The following KIAA1671 variants were observed in gnomAD, a reference collection of about 807,000 sequenced individuals.
KIAA1671 encodes KIAA1671.
In KIAA1671, 52 loss-of-function variants were observed where a neutral mutation model predicts 131.2. The observed-to-expected ratio is 0.40, with a 90% confidence interval of 0.32 to 0.50. The LOEUF (loss-of-function observed/expected upper bound fraction) is 0.50. Among genes scored for constraint, KIAA1671 ranks in the 20% least tolerant of loss-of-function variants. The pLI is 0.73. For missense variants in KIAA1671, 2,360 were observed against 2,364.2 expected (o/e 1.00, Z 0.04); for synonymous variants, 1,003 against 961.6 (o/e 1.04, Z -0.80).
At position 25,195,627 on chromosome 22, in the gene KIAA1671, A is replaced by G. The variant is rs1038758458; in HGVS notation, c.*3226A>G. ...GCATGAGCCTGTGGTTTTAAACTTT[A>G]CAGGCTGGGCAAAGGATTTAGAAAG... On this transcript the variant is annotated 3_prime_UTR_variant, in exon 13 of 13. Transcript: ENST00000358431. The G allele has an allele frequency of 6.6e-6, 1 of 152,192 alleles. No homozygotes were observed. The highest frequency in any genetic ancestry group is 2.4e-5 in the African/African-American group (1 of 41,450). 9.4% of individuals were successfully genotyped at this position (152,192 alleles called of 1,614,324 possible). A position where few individuals can be genotyped will look rare whatever the true frequency, so the allele number is the denominator to read the frequency against.
intron 11 of KIAA1671, chr22:25,185,791 A>C (rs1451672037): frequency 6.6e-6 from 1 of 152,216 alleles, no homozygotes; most frequent in African/African-American, 2.4e-5. Flanking sequence ...AGTTTCCTCA[A>C]CTGTAAAGTG....
intron 6 of KIAA1671, chr22:25,112,290 G>C (rs1197101188): frequency 2.5e-6 from 1 of 398,890 alleles, no homozygotes; most frequent in East Asian, 3.6e-5. Flanking sequence ...ACCACGGTGG[G>C]CCACGAACGG....
intron 6 of KIAA1671, among the ~76,000 whole-genome samples, chr22:25,076,638 T>C (rs1239668116): frequency 1.3e-5 from 2 of 152,256 alleles, no homozygotes; most frequent in Non-Finnish European, 2.9e-5. Context: ...TTGTGAGTTA[T>C]TTAATCTCCT....
chr22:25,035,358 T>A (rs1179129634), intron 4 of KIAA1671, among the ~76,000 whole-genome samples: 2 of 152,114 alleles, frequency 1.3e-5, no homozygotes, highest in Admixed American at 6.5e-5. Context: ...GGACTTCTAT[T>A]TTCTTTTCTC....
At chr22:25,033,913 G>A (rs1363098521) in intron 4 of KIAA1671, among the ~76,000 whole-genome samples, 2 of 151,824 alleles carry the variant, frequency 1.3e-5, no homozygotes, top group Non-Finnish European at 2.9e-5. Flanking sequence ...AGATACAATT[G>A]ACATACAGGA....
chr22:25,155,397 G>T (rs1482395634), intron 6 of KIAA1671, among the ~76,000 whole-genome samples: 1 of 151,940 alleles, frequency 6.6e-6, no homozygotes, highest in South Asian at 2.1e-4. Flanking sequence ...ATGTGTATTT[G>T]TGTCTGTTTC....
chr22:25,063,613 A>G (rs1477588367), intron 6 of KIAA1671: 1 of 152,154 alleles, frequency 6.6e-6, no homozygotes, highest in Non-Finnish European at 1.5e-5. Flanking sequence ...TACAGTGCAC[A>G]CTGCTCGGGT....
chr22:25,079,270 C>A (rs1415807637), intron 6 of KIAA1671, among the ~76,000 whole-genome samples: 1 of 151,844 alleles, frequency 6.6e-6, no homozygotes, highest in Non-Finnish European at 1.5e-5. Context: ...CGCTCTGTCG[C>A]CCAGGCTGGA....
intron 7 of KIAA1671, among the ~76,000 whole-genome samples, chr22:25,173,612 A>G (rs1933923143): frequency 6.6e-6 from 1 of 152,250 alleles, no homozygotes; most frequent in Admixed American, 6.5e-5. Context: ...ATTACTATGT[A>G]TCGATTATAA....
chr22:25,001,223 GTATGTGTGTGTA>G (rs1196757486), intron 1 of KIAA1671, among the ~76,000 whole-genome samples: 7 of 72,452 alleles, frequency 9.7e-5, no homozygotes, highest in East Asian at 5.7e-4. Flanking sequence ...GTGTATATAT[GTATGTGTGTGTA>G]TATGTGTGTG....
intron 6 of KIAA1671, among the ~76,000 whole-genome samples, chr22:25,105,293 A>T (rs577632390): frequency 6.6e-6 from 1 of 152,248 alleles, no homozygotes; most frequent in African/African-American, 2.4e-5. Flanking sequence ...AAGTGTTGGG[A>T]TTACGGGCAT....
rs375341104 is a variant in KIAA1671, at chr22:25,039,663, G to A, written c.2533G>A (p.Gly845Arg). ...VAVSEEHCAP[G>R]ATSVRAIKAA... Reference sequence around the variant, plus strand: ...AGTCAGCGAAGAGCACTGTGCTCCCGGGGCCACCTCCGTCAGGGCTATCAA... The same window carrying A: ...AGTCAGCGAAGAGCACTGTGCTCCCAGGGCCACCTCCGTCAGGGCTATCAA... Residue 845 changes from glycine to arginine, a missense_variant, in exon 5 of 13, where the codon GGG (glycine) becomes AGG (arginine). Gly to Arg is a moderately radical substitution (Grantham distance 125). This residue lies in a region of KIAA1671 where 1,185 missense variants were observed against 1,126.2 expected (regional missense o/e 1.05). Coordinates refer to ENST00000358431, the MANE Select transcript of KIAA1671 (RefSeq NM_001145206.2). 1.2e-5 allele frequency: 18 copies of A among 1,534,684 alleles called. No individual in the cohort carries two copies. Among genetic ancestry groups the A allele is most frequent in the Non-Finnish European group, 1.4e-5 (16 of 1,135,516 alleles).
chr22:24,997,342 G>A (rs2123855493), intron 1 of KIAA1671, among the ~76,000 whole-genome samples: 1 of 152,270 alleles, frequency 6.6e-6, no homozygotes, highest in East Asian at 1.9e-4. Context: ...ATGTCACTCA[G>A]GAAAAAGAGA....
chr22:25,035,189 G>T (rs1317714964), intron 4 of KIAA1671, among the ~76,000 whole-genome samples: 1 of 151,676 alleles, frequency 6.6e-6, no homozygotes, highest in African/African-American at 2.4e-5. Flanking sequence ...GGGACTACAG[G>T]CACGTGCCTC....
intron 1 of KIAA1671, among the ~76,000 whole-genome samples, chr22:24,953,610 G>C (rs933734899): frequency 6.6e-6 from 1 of 152,028 alleles, no homozygotes; most frequent in Non-Finnish European, 1.5e-5. Context: ...GCCCACCCGG[G>C]CTCACGGGTG....
rs369825846 is a variant in KIAA1671 at position 25,083,922 on chromosome 22, C to T, written c.4530+34558C>T. Among the ~76,000 whole-genome samples the T allele has an allele frequency of 1.7e-3, 259 of 152,330 alleles. 5 individuals carry two copies. The South Asian group carries it at 0.033, about 19-fold the overall frequency. On this transcript the variant is annotated intron_variant, in intron 6 of 12. Transcript: ENST00000358431. ...CACCCCCTTCCAGCTCTGCCCTGAC[C>T]GCCCCTATTTGCCGAGAGCAGCCTG...
chr22:25,090,273 G>T (rs944768217), intron 6 of KIAA1671, among the ~76,000 whole-genome samples: 1 of 152,240 alleles, frequency 6.6e-6, no homozygotes, highest in African/African-American at 2.4e-5. Flanking sequence ...AGTCCCTGAA[G>T]TTCCAGTCTC....
intron 1 of KIAA1671, among the ~76,000 whole-genome samples, chr22:24,979,105 C>T (rs1169010365): frequency 6.6e-6 from 1 of 151,558 alleles, no homozygotes; most frequent in Non-Finnish European, 1.5e-5. Flanking sequence ...AAGCGATTCT[C>T]CTGCCCCAGC....
intron 1 of KIAA1671, among the ~76,000 whole-genome samples, chr22:24,987,826 T>A (rs1650876007): frequency 1.3e-5 from 2 of 152,208 alleles, no homozygotes; most frequent in South Asian, 4.1e-4. Flanking sequence ...TTGAGGATAC[T>A]GAGACATGGG....
Sources: gnomAD v4.1 joint callset for allele counts (sites outside exome capture counted in the v4.1 genomes callset) on GRCh38, gnomAD v4.1.1 for gene constraint, gnomAD v4.1.1 regional missense constraint, MANE v1.5 for transcripts, NCBI Gene and HGNC (gene_info 2026-07-23, HGNC 2026-07-21) for gene names.